The following SYNE2 variants were observed in gnomAD, a reference collection of about 807,000 sequenced individuals.
SYNE2 encodes the protein nesprin-2.
A neutral mutation model predicts 856.3 loss-of-function variants in SYNE2; 431 were observed. The ratio of observed to expected loss-of-function variants is 0.50; its 90% confidence interval spans 0.47 to 0.55. The LOEUF is 0.55. Among genes scored for constraint, SYNE2 ranks in the 20% least tolerant of loss-of-function variants. The pLI, the probability that SYNE2 is intolerant of heterozygous loss-of-function variation, is 0.00. For synonymous variants in SYNE2, 2,923 were observed against 2,872.3 expected, an observed-to-expected ratio of 1.02 and a Z score of -0.56; for missense variants, 8,129 against 8,023.2, an observed-to-expected ratio of 1.01 and a Z score of -0.50.
At chr14:63,994,768 TTTGC>T (rs1315215839) in intron 22 of SYNE2, among the ~76,000 whole-genome samples, 2 of 152,222 alleles carry the variant, frequency 1.3e-5, no homozygotes, top group Non-Finnish European at 2.9e-5. Context: ...AGTTATCTGT[TTTGC>T]ATAGTTTCCC....
At chr14:64,093,305 T>C in intron 60 of SYNE2, 44 bp from the exon 61 acceptor site, 1 of 1,607,900 alleles carries the variant, frequency 6.2e-7, no homozygotes, top group Non-Finnish European at 8.5e-7. Flanking sequence ...ATTAATCTGC[T>C]TAGATTATGA....
intron 1 of SYNE2, among the ~76,000 whole-genome samples, chr14:63,865,296 T>G (rs1200778094): frequency 1.5e-5 from 2 of 133,304 alleles, no homozygotes; most frequent in Non-Finnish European, 3.1e-5. Context: ...TGTAAACAAG[T>G]CACTGTAGTA....
chr14:63,991,466 T>C (rs2096665696), intron 21 of SYNE2, among the ~76,000 whole-genome samples: 1 of 152,228 alleles, frequency 6.6e-6, no homozygotes, highest in African/African-American at 2.4e-5. Context: ...TGTGAGGCTT[T>C]AAGTGAAAAT....
At chr14:63,764,556 C>CTTT (rs34093002) in intron 1 of SYNE2, among the ~76,000 whole-genome samples, 5 of 121,148 alleles carry the variant, frequency 4.1e-5, no homozygotes, top group Non-Finnish European at 8.3e-5. Flanking sequence ...TCTTTTGACT[C>CTTT]TTTTTTTTTT....
Position 64,080,154 on chromosome 14 carries a change from TGA to T in SYNE2, c.11164-297_11164-296del, listed in dbSNP as rs528869834. Among the ~76,000 whole-genome samples the T allele has an allele frequency of 8.5e-5, 13 of 152,236 alleles. No individual in the cohort carries two copies. In the South Asian group the frequency reaches 2.7e-3, roughly 32 times the overall value. ...AACAGAATGTTTTGCTTGTCACTCTTGAGAGATGAGGGCTATATTGACCTTGT... is the reference window on the plus strand; with the variant it reads ...AACAGAATGTTTTGCTTGTCACTCTTGAGATGAGGGCTATATTGACCTTGT... On this transcript the variant is annotated intron_variant, in intron 55 of 115. Coordinates refer to ENST00000555002, the MANE Select transcript of SYNE2 (RefSeq NM_182914.3).
At position 63,986,617 on chromosome 14, in the gene SYNE2, G is replaced by C; in HGVS notation, c.2313G>C (p.Lys771Asn). ...ACACCTCAATGGAAGAATCTTTGAA[G>C]GTATGTGTGTAAAAGTATTAAGAGG... The part of the protein sequence containing the change: ...DVDTSMEESL[K>N]HLIAKGSMFD... Residue 771 changes from lysine to asparagine, a missense_variant and splice_region_variant, in exon 19 of 116, where the codon AAG becomes AAC. Around this residue, in one of 3 missense-constraint regions of SYNE2, gnomAD observed 2,422 missense variants for 2,357.4 expected, o/e 1.03. Coordinates refer to ENST00000555002, the MANE Select transcript of SYNE2 (RefSeq NM_182914.3). 6.2e-7 allele frequency: 1 copy of C among 1,613,950 alleles called. No homozygotes were observed. Among genetic ancestry groups the C allele is most frequent in the East Asian group, 2.2e-5 (1 of 44,870 alleles).
chr14:64,173,827 G>C (rs1459154530), intron 94 of SYNE2: 6 of 584,982 alleles, frequency 1.0e-5, no homozygotes, highest in African/African-American at 1.9e-5. Flanking sequence ...AATGCCTTTG[G>C]GAGTATGGAT....
chr14:63,940,449 A>C (rs1326127475), intron 2 of SYNE2, among the ~76,000 whole-genome samples, 165 bp from the exon 3 acceptor site: 3 of 128,040 alleles, frequency 2.3e-5, no homozygotes, highest in Non-Finnish European at 3.4e-5. Flanking sequence ...GGTTTTTCTA[A>C]AACACTACTT....
chr14:64,162,365 C>A, intron 88 of SYNE2, 89 bp downstream of exon 88: 1 of 1,345,446 alleles, frequency 7.4e-7, no homozygotes, highest in Non-Finnish European at 1.1e-6. Flanking sequence ...CCAGACAGAC[C>A]ACAGGGACAG....
chr14:63,999,323 T>C (rs963782950), intron 27 of SYNE2, among the ~76,000 whole-genome samples: 4 of 152,226 alleles, frequency 2.6e-5, no homozygotes, highest in African/African-American at 9.6e-5. Flanking sequence ...TATTTCTTTC[T>C]TTTTATGCTT....
rs1595258987 is a variant in SYNE2, at chr14:64,065,445, A to G, written c.10226A>G (p.Asn3409Ser). Residue 3409 changes from asparagine to serine, a missense_variant, in exon 51 of 116, where the codon AAT (asparagine) becomes AGT (serine). Transcript: ENST00000555002. The stretch of plus-strand genomic sequence containing the variant: ...TTCTTTCTTAAGGCCTTGGTGTCAA[A>G]TCTTATATCAACCAAAGAAGAGTTA... ...RLEQSKALVS[N>S]LISTKEELMK... 2 of 1,614,124 alleles carry G rather than the reference A, an allele frequency of 1.2e-6. No homozygotes were observed. Among genetic ancestry groups the G allele is most frequent in the Non-Finnish European group, 1.7e-6 (2 of 1,180,000 alleles).
At chr14:63,887,664 C>T (rs2095027370) in intron 1 of SYNE2, among the ~76,000 whole-genome samples, 1 of 151,778 alleles carries the variant, frequency 6.6e-6, no homozygotes, top group South Asian at 2.1e-4. Flanking sequence ...GGTTTTTTTT[C>T]CCCCCCATTC....
At chr14:63,933,735 A>G (rs1277997599) in intron 2 of SYNE2, among the ~76,000 whole-genome samples, 2 of 152,134 alleles carry the variant, frequency 1.3e-5, no homozygotes, top group Non-Finnish European at 2.9e-5. Flanking sequence ...AGATTGTATT[A>G]TTCTCTTTAT....
At chr14:64,215,375 G>A in intron 107 of SYNE2, 21 bp downstream of exon 107, 2 of 1,612,708 alleles carry the variant, frequency 1.2e-6, no homozygotes, top group South Asian at 2.2e-5. Context: ...GCCCATGCAT[G>A]TGTCAACATG....
At chr14:64,084,539 A>G (rs1053574993) in intron 57 of SYNE2, 2 of 167,150 alleles carry the variant, frequency 1.2e-5, no homozygotes, top group African/African-American at 4.8e-5. Context: ...CACTTAACAT[A>G]ATGCCTTTGA....
upstream of SYNE2, among the ~76,000 whole-genome samples, chr14:63,851,150 C>T (rs1890414877): frequency 6.6e-6 from 1 of 152,272 alleles, no homozygotes; most frequent in East Asian, 1.9e-4. Flanking sequence ...ATCACGAGGT[C>T]AGGAGTTCAA....
intron 2 of SYNE2, among the ~76,000 whole-genome samples, chr14:63,922,820 C>G (rs1056724425): frequency 6.6e-6 from 1 of 152,138 alleles, no homozygotes; most frequent in African/African-American, 2.4e-5. Flanking sequence ...ATCAGAATCT[C>G]TGGGAGTTGG....
Position 64,022,004 on chromosome 14 carries a change from G to T in SYNE2, c.5500G>T (p.Asp1834Tyr). The T allele has an allele frequency of 6.2e-7, 1 of 1,613,728 alleles. No individual in the cohort carries two copies. The highest frequency in any genetic ancestry group is 8.5e-7 in the Non-Finnish European group (1 of 1,179,838). ...LFNTKKSVLQ[D>Y]HFSKLLNDQC... ...TAATACCAAAAAAAGTGTTTTGCAA[G>T]ATCACTTTTCTAAGTTATTGAATGG... The change falls in exon 37 of 116, where the codon GAT (aspartate) becomes TAT (tyrosine). Residue 1834 changes from aspartate to tyrosine, a missense_variant. Asp to Tyr is a radical substitution (Grantham distance 160, BLOSUM62 -3). Around this residue, in one of 3 missense-constraint regions of SYNE2, gnomAD observed 2,422 missense variants for 2,357.4 expected, o/e 1.03. Coordinates refer to ENST00000555002, the MANE Select transcript of SYNE2 (RefSeq NM_182914.3).
At chr14:63,951,476 A>G (rs2096157695) in intron 7 of SYNE2, among the ~76,000 whole-genome samples, 1 of 151,816 alleles carries the variant, frequency 6.6e-6, no homozygotes, top group Non-Finnish European at 1.5e-5. Flanking sequence ...CTAATTTTGT[A>G]TTTTTAGTAG....
Sources: allele counts gnomAD v4.1 joint callset (sites outside exome capture counted in the v4.1 genomes callset), GRCh38; gene constraint gnomAD v4.1.1; regional missense constraint gnomAD v4.1.1; transcripts MANE v1.5; gene names NCBI Gene and HGNC (gene_info 2026-07-23, HGNC 2026-07-21).